Variants in MDGA2 observed in about 807,000 individuals in gnomAD.
MDGA2 encodes the protein MAM domain-containing glycosylphosphatidylinositol anchor protein 2.
MDGA2 carries 40 observed loss-of-function variants against 117.8 expected under a neutral mutation model. The observed-to-expected ratio is 0.34, with a 90% CI of 0.26 to 0.44. The LOEUF (loss-of-function observed/expected upper bound fraction) is 0.44. Among genes scored for constraint, MDGA2 ranks in the 20% least tolerant of loss-of-function variants. The pLI is 1.00. For missense variants in MDGA2, 1,123 were observed against 1,250.6 expected (o/e 0.90, Z 1.54); for synonymous variants, 452 against 439.0 (o/e 1.03, Z -0.37).
chr14:47,608,839 G>A (rs1181265054), intron 1 of MDGA2, among the ~76,000 whole-genome samples: 2 of 152,056 alleles, frequency 1.3e-5, no homozygotes, highest in African/African-American at 4.8e-5. Context: ...CATGTGACTT[G>A]GATGAGGGTA....
Position 47,031,225 on chromosome 14 carries a change from T to C in MDGA2, c.1819+3786A>G, listed in dbSNP as rs758283864. Reference sequence around the variant, plus strand: ...CATTATTTAGAAATATATATATATATATATACACACACACACACACTATTT... The same window carrying C: ...CATTATTTAGAAATATATATATATACATATACACACACACACACACTATTT... On this transcript the variant is annotated intron_variant, in intron 8 of 16. Transcript: ENST00000399232. Among the ~76,000 whole-genome samples the C allele has an allele frequency of 9.5e-3, 1,318 of 138,682 alleles. 14 individuals carry two copies. The highest frequency in any genetic ancestry group is 0.013 in the Non-Finnish European group (841 of 63,518). 91.0% of individuals were successfully genotyped at this position (138,682 alleles called of 152,430 possible).
intron 3 of MDGA2, among the ~76,000 whole-genome samples, chr14:47,194,828 T>C (rs61995384): frequency 0.21 from 32,184 of 151,916 alleles, 3,630 homozygotes; most frequent in African/African-American, 0.27. Context: ...ATTATTACTA[T>C]TACACTAGTT....
chr14:47,121,564 AGAT>A (rs1344361947), intron 5 of MDGA2, among the ~76,000 whole-genome samples: 3 of 152,152 alleles, frequency 2.0e-5, no homozygotes, highest in Non-Finnish European at 2.9e-5. Flanking sequence ...TTGATGAGCT[AGAT>A]GATATTTTAG....
chr14:47,179,917 T>C (rs1884630708), intron 3 of MDGA2, among the ~76,000 whole-genome samples: 1 of 152,182 alleles, frequency 6.6e-6, no homozygotes, highest in Non-Finnish European at 1.5e-5. Flanking sequence ...TTAGTGACTG[T>C]TTTGGGATTG....
intron 1 of MDGA2, among the ~76,000 whole-genome samples, chr14:47,664,927 C>A (rs1897915312): frequency 6.6e-6 from 1 of 152,220 alleles, no homozygotes; most frequent in African/African-American, 2.4e-5. Flanking sequence ...ACATTTAACA[C>A]ACACACACTT....
chr14:47,472,588 G>A (rs763769548), intron 1 of MDGA2, among the ~76,000 whole-genome samples: 9 of 152,144 alleles, frequency 5.9e-5, no homozygotes, highest in Non-Finnish European at 1.2e-4. Context: ...GCCAGTGGAG[G>A]TTAGAATGAA....
intron 1 of MDGA2, among the ~76,000 whole-genome samples, chr14:47,439,340 T>C (rs1197635247): frequency 1.3e-5 from 2 of 152,060 alleles, no homozygotes; most frequent in African/African-American, 4.8e-5. Context: ...TGTGTGTGTA[T>C]GTGTGTGTAT....
intron 9 of MDGA2, among the ~76,000 whole-genome samples, 194 bp from the exon 10 acceptor site, chr14:46,920,354 G>C (rs1211454047): frequency 6.6e-6 from 1 of 152,160 alleles, no homozygotes; most frequent in African/African-American, 2.4e-5. Context: ...GAGAAAAGAA[G>C]GAAGAACACA....
intron 14 of MDGA2, among the ~76,000 whole-genome samples, chr14:46,861,229 G>A (rs951810366): frequency 3.3e-5 from 5 of 151,884 alleles, no homozygotes; most frequent in Admixed American, 3.3e-4. Flanking sequence ...TAACAAAATA[G>A]TGCATACTAT....
chr14:47,303,961 G>T (rs550219686), intron 1 of MDGA2, among the ~76,000 whole-genome samples: 1 of 152,114 alleles, frequency 6.6e-6, no homozygotes, highest in East Asian at 1.9e-4. Flanking sequence ...CATTTACAAG[G>T]GTTAATTTTC....
rs530905015 is a variant in MDGA2, at chr14:46,851,847, C to T, written c.2883+3177G>A. On this transcript the variant is annotated intron_variant, in intron 15 of 16. Coordinates refer to ENST00000399232, the MANE Select transcript of MDGA2 (RefSeq NM_001113498.3). ...GTTGTTATCAGGAGTTCCTAGAAGA[C>T]GTTACATACCAAATAAAGTATTTTT... Among the ~76,000 whole-genome samples, 7 of 151,214 alleles carry T rather than the reference C, an allele frequency of 4.6e-5. No homozygotes were observed. The South Asian group carries it at 1.0e-3, about 22-fold the overall frequency.
At chr14:47,368,770 A>G in intron 1 of MDGA2, among the ~76,000 whole-genome samples, 1 of 142,808 alleles carries the variant, frequency 7.0e-6, no homozygotes, top group African/African-American at 2.5e-5. Context: ...GTTTTACTAG[A>G]AAGCGCATAA....
chr14:47,601,139 T>A (rs1217893490), intron 1 of MDGA2, among the ~76,000 whole-genome samples: 1 of 152,178 alleles, frequency 6.6e-6, no homozygotes, highest in East Asian at 1.9e-4. Context: ...CTATGTTGTA[T>A]ATTGGCAACC....
intron 1 of MDGA2, among the ~76,000 whole-genome samples, chr14:47,478,783 A>T (rs1311000453): frequency 6.6e-6 from 1 of 152,210 alleles, no homozygotes; most frequent in Non-Finnish European, 1.5e-5. Context: ...TGAGTTAGAG[A>T]TTAAGTGGAG....
In MDGA2 at chr14:46,918,979, G is replaced by C. The variant is rs578049945; in HGVS notation, c.2238+1033C>G. On this transcript the variant is annotated intron_variant, in intron 10 of 16. Coordinates refer to ENST00000399232, the MANE Select transcript of MDGA2 (RefSeq NM_001113498.3). Reference sequence around the variant, plus strand: ...GGGTTTCACCGTGTTAGCCAGGATGGTCTCAATCTCCTGACCTCGTGATTC... The same window carrying C: ...GGGTTTCACCGTGTTAGCCAGGATGCTCTCAATCTCCTGACCTCGTGATTC... 2.1e-4 allele frequency among the ~76,000 whole-genome samples: 32 copies of C among 152,066 alleles called. No individual in the cohort carries two copies. The South Asian group carries it at 6.0e-3, about 29-fold the overall frequency.
chr14:46,866,202 C>G (rs1227061363), intron 14 of MDGA2, among the ~76,000 whole-genome samples: 1 of 152,016 alleles, frequency 6.6e-6, no homozygotes, highest in Non-Finnish European at 1.5e-5. Context: ...AGATATAGAT[C>G]AATGGAACAG....
At chr14:47,181,844 G>C (rs974023088) in intron 3 of MDGA2, among the ~76,000 whole-genome samples, 4 of 152,012 alleles carry the variant, frequency 2.6e-5, no homozygotes, top group African/African-American at 4.8e-5. Flanking sequence ...AATTAAAAAG[G>C]CTATGTCCTA....
chr14:47,260,150 T>G (rs1436970426), intron 2 of MDGA2, among the ~76,000 whole-genome samples: 1 of 151,956 alleles, frequency 6.6e-6, no homozygotes, highest in Non-Finnish European at 1.5e-5. Context: ...AATATAAGAA[T>G]ATGTGAAAAA....
At chr14:47,057,522 T>C (rs758781778) in intron 7 of MDGA2, among the ~76,000 whole-genome samples, 2 of 152,018 alleles carry the variant, frequency 1.3e-5, no homozygotes, top group Non-Finnish European at 2.9e-5. Context: ...AAGATGAAAG[T>C]AAGACAACCT....
Sources: allele counts gnomAD v4.1 joint callset (sites outside exome capture counted in the v4.1 genomes callset), GRCh38; gene constraint gnomAD v4.1.1; transcripts MANE v1.5; gene names NCBI Gene and HGNC (gene_info 2026-07-23, HGNC 2026-07-21).